Variants in HECW1 observed in about 807,000 individuals in gnomAD.
HECW1 encodes E3 ubiquitin-protein ligase HECW1.
A neutral mutation model predicts 182.3 loss-of-function variants in HECW1; 61 were observed. That is an observed-to-expected ratio of 0.33 (90% CI 0.27 to 0.41). The LOEUF is 0.41. Ranked by LOEUF, HECW1 falls within the 10% of genes least tolerant of loss-of-function variation. HECW1 has a pLI of 1.00. For synonymous variants in HECW1, 859 were observed against 832.6 expected, an observed-to-expected ratio of 1.03 and a Z score of -0.55; for missense variants, 1,739 against 2,108.9, an observed-to-expected ratio of 0.82 and a Z score of 3.44.
At chr7:43,336,347 T>A (rs1383620860) in intron 5 of HECW1, among the ~76,000 whole-genome samples, 1 of 151,718 alleles carries the variant, frequency 6.6e-6, no homozygotes, top group Non-Finnish European at 1.5e-5. Context: ...AAAAAAATTT[T>A]TTTTAGAGAT....
chr7:43,317,215 C>T (rs1809433080), intron 4 of HECW1, among the ~76,000 whole-genome samples: 1 of 152,162 alleles, frequency 6.6e-6, no homozygotes, highest in African/African-American at 2.4e-5. Context: ...TCTCTAGCTT[C>T]CTGGACACCA....
At chr7:43,372,333 T>C (rs966311356) in intron 6 of HECW1, among the ~76,000 whole-genome samples, 2 of 152,216 alleles carry the variant, frequency 1.3e-5, no homozygotes, top group African/African-American at 2.4e-5. Context: ...TACCTGTTTA[T>C]ATTTACTAAC....
At chr7:43,538,465 G>A (rs556583508) in intron 24 of HECW1, among the ~76,000 whole-genome samples, 1 of 152,200 alleles carries the variant, frequency 6.6e-6, no homozygotes, top group Non-Finnish European at 1.5e-5. Context: ...CAATTAAATA[G>A]TGAAGTTTTC....
rs143094492 is a variant in HECW1, at chr7:43,358,917, C to G, written c.461-1969C>G. On this transcript the variant is annotated intron_variant, in intron 5 of 29. Transcript: ENST00000395891. ...TTGGCTCACTGCCACCTCCACCTCC[C>G]GGGTTCCAGCAATTCTCCTGCTTCA... Among the ~76,000 whole-genome samples, 681 of 146,714 alleles carry G rather than the reference C, an allele frequency of 4.6e-3. 5 individuals are homozygous for G. The highest frequency in any genetic ancestry group is 0.016 in the African/African-American group (655 of 40,024).
At chr7:43,342,555 C>T (rs992827910) in intron 5 of HECW1, among the ~76,000 whole-genome samples, 2 of 151,358 alleles carry the variant, frequency 1.3e-5, no homozygotes, top group African/African-American at 4.9e-5. Context: ...TCTTTTTGAG[C>T]ATCTGAAGAC....
At chr7:43,142,944 G>T (rs1271179629) in intron 2 of HECW1, among the ~76,000 whole-genome samples, 1 of 152,162 alleles carries the variant, frequency 6.6e-6, no homozygotes, top group Non-Finnish European at 1.5e-5. Flanking sequence ...TGGGTGCTGT[G>T]GTAGCCAAAG....
At chr7:43,151,259 C>T (rs1293618981) in intron 2 of HECW1, among the ~76,000 whole-genome samples, 1 of 152,122 alleles carries the variant, frequency 6.6e-6, no homozygotes, top group Non-Finnish European at 1.5e-5. Context: ...AACATGATCT[C>T]ATAAGATTAT....
chr7:43,530,357 A>C (rs1291018983), intron 24 of HECW1, among the ~76,000 whole-genome samples: 1 of 151,966 alleles, frequency 6.6e-6, no homozygotes, highest in Non-Finnish European at 1.5e-5. Flanking sequence ...CCTAGTTTTT[A>C]TTATATCTTT....
chr7:43,534,248 T>C (rs1563099042), intron 24 of HECW1, among the ~76,000 whole-genome samples: 1 of 152,202 alleles, frequency 6.6e-6, no homozygotes, highest in Non-Finnish European at 1.5e-5. Flanking sequence ...CCGCTTCCCC[T>C]TCCATAAATC....
intron 2 of HECW1, among the ~76,000 whole-genome samples, chr7:43,203,506 C>T (rs1795194574): frequency 1.3e-5 from 2 of 152,174 alleles, no homozygotes; most frequent in Admixed American, 1.3e-4. Flanking sequence ...GGCTGGAGGG[C>T]AGTGGCACAA....
At chr7:43,517,089 C>T (rs994555616) in intron 24 of HECW1, among the ~76,000 whole-genome samples, 1 of 152,198 alleles carries the variant, frequency 6.6e-6, no homozygotes, top group Middle Eastern at 3.4e-3. Context: ...TTTTAAGAAA[C>T]GACTACGTTA....
chr7:43,228,759 G>A (rs1400923312), intron 2 of HECW1, among the ~76,000 whole-genome samples: 2 of 151,926 alleles, frequency 1.3e-5, no homozygotes, highest in East Asian at 1.9e-4. Flanking sequence ...TGTCCAAAAT[G>A]GTATCAAAAA....
intron 15 of HECW1, among the ~76,000 whole-genome samples, chr7:43,467,353 G>C (rs2077821596): frequency 6.6e-6 from 1 of 152,176 alleles, no homozygotes; most frequent in African/African-American, 2.4e-5. Context: ...AGTCCAGGCA[G>C]AGGGACATCT....
chr7:43,316,034 T>C (rs755077466), intron 4 of HECW1, among the ~76,000 whole-genome samples: 2 of 152,170 alleles, frequency 1.3e-5, no homozygotes, highest in Non-Finnish European at 2.9e-5. Flanking sequence ...TCTTCTATTA[T>C]AGATTATGGC....
At chr7:43,369,645 A>G (rs1817081003) in intron 6 of HECW1, among the ~76,000 whole-genome samples, 1 of 152,214 alleles carries the variant, frequency 6.6e-6, no homozygotes, top group Non-Finnish European at 1.5e-5. Flanking sequence ...CAAGATAAAT[A>G]TATTCATATG....
chr7:43,335,586 T>C (rs1812018611), intron 5 of HECW1, among the ~76,000 whole-genome samples: 1 of 152,268 alleles, frequency 6.6e-6, no homozygotes, highest in African/African-American at 2.4e-5. Flanking sequence ...AATAAATGTC[T>C]GTAGTTTAAG....
chr7:43,404,356 C>T, intron 7 of HECW1, among the ~76,000 whole-genome samples: 1 of 152,204 alleles, frequency 6.6e-6, no homozygotes, highest in East Asian at 1.9e-4. Context: ...GCTACTAATT[C>T]TCCCAAAGCT....
chr7:43,390,974 T>A (rs762101335), intron 6 of HECW1, among the ~76,000 whole-genome samples: 4 of 152,068 alleles, frequency 2.6e-5, no homozygotes, highest in Admixed American at 6.6e-5. Flanking sequence ...TAAACAAGTT[T>A]TATTGGGGGT....
chr7:43,436,399 A>G (rs547436290), intron 8 of HECW1, among the ~76,000 whole-genome samples: 1 of 152,264 alleles, frequency 6.6e-6, no homozygotes, highest in Admixed American at 6.5e-5. Flanking sequence ...ACCACCAAAC[A>G]GGCTTTGTCT....
Sources: allele counts gnomAD v4.1 joint callset (sites outside exome capture counted in the v4.1 genomes callset), GRCh38; gene constraint gnomAD v4.1.1; transcripts MANE v1.5; gene names NCBI Gene and HGNC (gene_info 2026-07-23, HGNC 2026-07-21).